The following GPC6 variants were observed in gnomAD, a reference collection of about 807,000 sequenced individuals.
GPC6 encodes the protein glypican-6.
A neutral mutation model predicts 55.2 loss-of-function variants in GPC6; 14 were observed. The observed-to-expected ratio is 0.25, with a 90% CI of 0.17 to 0.40. The LOEUF is 0.40. Among genes scored for constraint, GPC6 ranks in the 10% least tolerant of loss-of-function variants. The pLI is 1.00. For synonymous variants in GPC6, 278 were observed against 259.6 expected (o/e 1.07, Z -0.68); for missense variants, 641 against 708.5 (o/e 0.90, Z 1.08).
intron 1 of GPC6, among the ~76,000 whole-genome samples, chr13:93,443,248 T>G (rs1042337316): frequency 6.6e-6 from 1 of 152,220 alleles, no homozygotes; most frequent in African/African-American, 2.4e-5. Context: ...TTTAATGATA[T>G]AAGTCATATT....
At chr13:94,238,033 G>A (rs759029075) in intron 4 of GPC6, among the ~76,000 whole-genome samples, 5 of 152,148 alleles carry the variant, frequency 3.3e-5, no homozygotes, top group Non-Finnish European at 7.4e-5. Context: ...AGAACTGGAA[G>A]ATGGATTTCC....
intron 4 of GPC6, among the ~76,000 whole-genome samples, chr13:94,208,797 T>C (rs1889983990): frequency 6.8e-6 from 1 of 146,196 alleles, no homozygotes; most frequent in South Asian, 2.2e-4. Flanking sequence ...GGCCTGGTGA[T>C]GCTCCCAGCT....
At chr13:93,775,686 A>T (rs1367507074) in intron 2 of GPC6, among the ~76,000 whole-genome samples, 3 of 152,214 alleles carry the variant, frequency 2.0e-5, no homozygotes, top group African/African-American at 7.2e-5. Flanking sequence ...CAAATTGTCA[A>T]TTTCTGTTTA....
At chr13:93,519,680 G>A (rs902855217) in intron 1 of GPC6, among the ~76,000 whole-genome samples, 2 of 151,876 alleles carry the variant, frequency 1.3e-5, no homozygotes, top group African/African-American at 2.4e-5. Flanking sequence ...TCTGGGAGGC[G>A]GATGACACTC....
At chr13:93,547,151 A>G (rs1404177717) in intron 2 of GPC6, among the ~76,000 whole-genome samples, 1 of 146,314 alleles carries the variant, frequency 6.8e-6, no homozygotes, top group African/African-American at 2.6e-5. Context: ...CAACGTGGTG[A>G]AACCCCATCT....
At chr13:93,423,567 G>A (rs73552643) in intron 1 of GPC6, among the ~76,000 whole-genome samples, 8,558 of 152,162 alleles carry the variant, frequency 0.056, 804 homozygotes, top group African/African-American at 0.2. Context: ...TTTCAGATCT[G>A]TTTAAATGTG....
chr13:93,540,188 A>G (rs955080823), intron 1 of GPC6, among the ~76,000 whole-genome samples: 13 of 152,074 alleles, frequency 8.5e-5, no homozygotes, highest in Admixed American at 7.2e-4. Context: ...TTGTTTTTTC[A>G]TTCTTCACAG....
At chr13:93,931,720 C>T (rs1038749787) in intron 3 of GPC6, among the ~76,000 whole-genome samples, 5 of 144,846 alleles carry the variant, frequency 3.5e-5, no homozygotes, top group Non-Finnish European at 7.5e-5. Context: ...GCCAAGATCG[C>T]GCCACTGCAC....
intron 1 of GPC6, among the ~76,000 whole-genome samples, chr13:93,453,735 G>A (rs1371241852): frequency 6.6e-6 from 1 of 151,806 alleles, no homozygotes; most frequent in Non-Finnish European, 1.5e-5. Context: ...CCTCCCGGTG[G>A]GCTCGTGGTC....
chr13:94,155,453 T>C (rs930172946), intron 4 of GPC6, among the ~76,000 whole-genome samples: 2 of 152,190 alleles, frequency 1.3e-5, no homozygotes, highest in Admixed American at 6.6e-5. Context: ...ACATGAACAG[T>C]AACCACCTTT....
chr13:93,344,186 C>G (rs1297172924), intron 1 of GPC6, among the ~76,000 whole-genome samples: 1 of 152,178 alleles, frequency 6.6e-6, no homozygotes, highest in Non-Finnish European at 1.5e-5. Context: ...GCCATTCTAG[C>G]CTTTTCATCT....
intron 1 of GPC6, among the ~76,000 whole-genome samples, chr13:93,515,462 A>G (rs1881153008): frequency 6.6e-6 from 1 of 152,180 alleles, no homozygotes; most frequent in African/African-American, 2.4e-5. Flanking sequence ...CTATTCAGCA[A>G]TTTCTTTTGG....
intron 3 of GPC6, among the ~76,000 whole-genome samples, chr13:93,924,696 CTTTT>C (rs10710851): frequency 1.6e-5 from 2 of 128,560 alleles, no homozygotes; most frequent in Non-Finnish European, 1.7e-5. Context: ...TCTTTCTTTT[CTTTT>C]TTTTTTTTTT....
At chr13:93,844,170 C>T (rs975036793) in intron 3 of GPC6, among the ~76,000 whole-genome samples, 19 of 151,998 alleles carry the variant, frequency 1.3e-4, no homozygotes, top group Admixed American at 6.6e-4. Flanking sequence ...GACAGAGTCT[C>T]GCTCTGTCAC....
the GPC6 span, among the ~76,000 whole-genome samples, chr13:93,219,062 G>C: frequency 3.7e-4 from 55 of 147,910 alleles, no homozygotes; most frequent in Admixed American, 3.6e-3. Context: ...CAACCTGGCT[G>C]TTTTCTCCTA....
intron 1 of GPC6, among the ~76,000 whole-genome samples, chr13:93,426,924 G>A (rs773511699): frequency 6.8e-6 from 1 of 147,812 alleles, no homozygotes; most frequent in Non-Finnish European, 1.5e-5. Context: ...TTTAATGATT[G>A]CCATTCTAAC....
chr13:93,421,198 G>C (rs1417662276), intron 1 of GPC6, among the ~76,000 whole-genome samples: 1 of 152,058 alleles, frequency 6.6e-6, no homozygotes, highest in East Asian at 1.9e-4. Flanking sequence ...CATGGAGAGA[G>C]AGAAAGAGAT....
intron 6 of GPC6, among the ~76,000 whole-genome samples, chr13:94,329,313 C>T (rs991229093): frequency 2.0e-5 from 3 of 152,170 alleles, no homozygotes; most frequent in East Asian, 3.9e-4. Flanking sequence ...GGAATTTTCA[C>T]ATGAGTTCAC....
intron 2 of GPC6, among the ~76,000 whole-genome samples, chr13:93,762,576 G>A (rs1026586035): frequency 1.3e-5 from 2 of 152,192 alleles, no homozygotes; most frequent in Non-Finnish European, 2.9e-5. Flanking sequence ...GAGTTACAAA[G>A]CATGCAGTAG....
Sources: allele counts gnomAD v4.1 joint callset (sites outside exome capture counted in the v4.1 genomes callset), GRCh38; gene constraint gnomAD v4.1.1; transcripts MANE v1.5; gene names NCBI Gene and HGNC (gene_info 2026-07-23, HGNC 2026-07-21).